Variants in MXI1 observed in about 807,000 individuals in gnomAD.
The protein encoded by MXI1 is max-interacting protein 1.
Under a neutral mutation model 36.9 loss-of-function variants are expected in MXI1, and 18 were observed. The ratio of observed to expected loss-of-function variants is 0.49; its 90% CI spans 0.34 to 0.72. The LOEUF is 0.72. MXI1 is among the 30% of genes least tolerant of loss of function. MXI1 has a pLI of 0.01. For missense variants in MXI1, 304 were observed against 379.1 expected, an observed-to-expected ratio of 0.80 and a Z score of 1.64; for synonymous variants, 160 against 146.7, an observed-to-expected ratio of 1.09 and a Z score of -0.65.
intron 3 of MXI1, among the ~76,000 whole-genome samples, chr10:110,254,346 T>C (rs1464905143): frequency 1.3e-5 from 2 of 152,140 alleles, no homozygotes; most frequent in Non-Finnish European, 2.9e-5. Context: ...TTAATAAATG[T>C]TGTGTGTGTT....
chr10:110,217,299 T>C (rs1854676763), intron 1 of MXI1, among the ~76,000 whole-genome samples: 1 of 152,130 alleles, frequency 6.6e-6, no homozygotes, highest in Admixed American at 6.5e-5. Flanking sequence ...TGAAGCCAAT[T>C]AAAGGGGATC....
At chr10:110,273,271 T>A (rs1374329180) in intron 3 of MXI1, among the ~76,000 whole-genome samples, 1 of 151,952 alleles carries the variant, frequency 6.6e-6, no homozygotes, top group Non-Finnish European at 1.5e-5. Context: ...ATGGTCTCGA[T>A]CTCCTGACCT....
chr10:110,277,402 A>C (rs1857072368), intron 3 of MXI1, among the ~76,000 whole-genome samples: 1 of 152,138 alleles, frequency 6.6e-6, no homozygotes, highest in Non-Finnish European at 1.5e-5. Context: ...CTTAATGAAG[A>C]GTTTAAAGGC....
intron 1 of MXI1, among the ~76,000 whole-genome samples, chr10:110,214,730 G>GGTCTTCAC (rs1239798297): frequency 6.7e-6 from 1 of 149,604 alleles, no homozygotes; most frequent in Non-Finnish European, 1.5e-5. Flanking sequence ...GCCCTGGCTT[G>GGTCTTCAC]GTCTTCACTT....
chr10:110,232,399 C>G (rs762232226), intron 2 of MXI1, among the ~76,000 whole-genome samples: 3 of 152,162 alleles, frequency 2.0e-5, no homozygotes, highest in Admixed American at 6.5e-5. Context: ...TTGAATAACA[C>G]TCTTCTTCAG....
intron 2 of MXI1, among the ~76,000 whole-genome samples, chr10:110,231,188 G>A (rs560878590): frequency 6.6e-6 from 1 of 152,222 alleles, no homozygotes; most frequent in Non-Finnish European, 1.5e-5. Flanking sequence ...CCAACATGAT[G>A]AAACCCTGTC....
intron 4 of MXI1, 34 bp from the exon 5 acceptor site, chr10:110,279,880 A>G (rs754787348): frequency 3.2e-6 from 5 of 1,563,252 alleles, no homozygotes; most frequent in East Asian, 2.2e-5. Flanking sequence ...GTACTGGACT[A>G]TACACAAATG....
At chr10:110,230,534 C>T (rs889218879) in intron 2 of MXI1, among the ~76,000 whole-genome samples, 4 of 152,128 alleles carry the variant, frequency 2.6e-5, no homozygotes, top group Non-Finnish European at 4.4e-5. Flanking sequence ...AATATATTAT[C>T]TCAAGATCCA....
At chr10:110,269,746 G>T (rs1399222263) in intron 3 of MXI1, among the ~76,000 whole-genome samples, 1 of 152,140 alleles carries the variant, frequency 6.6e-6, no homozygotes, top group Non-Finnish European at 1.5e-5. Flanking sequence ...TGGCTGGCAG[G>T]GTACAATACT....
At chr10:110,215,043 G>GTTTTTTTTT (rs200181611) in intron 1 of MXI1, among the ~76,000 whole-genome samples, 1 of 78,906 alleles carries the variant, frequency 1.3e-5, no homozygotes, top group Non-Finnish European at 2.4e-5. Context: ...TTTTTTTTTT[G>GTTTTTTTTT]TTTTTTTTTT....
At chr10:110,248,980 A>G (rs1364905805) in intron 3 of MXI1, among the ~76,000 whole-genome samples, 1 of 152,168 alleles carries the variant, frequency 6.6e-6, no homozygotes. Flanking sequence ...GTTTAGCAAG[A>G]AGGTGGCACA....
intron 3 of MXI1, among the ~76,000 whole-genome samples, chr10:110,246,774 T>G (rs1855880496): frequency 6.6e-6 from 1 of 152,144 alleles, no homozygotes. Context: ...TGGTAGTTAG[T>G]GGTAGAAACT....
chr10:110,249,425 A>C (rs1855990264), intron 3 of MXI1, among the ~76,000 whole-genome samples: 1 of 152,060 alleles, frequency 6.6e-6, no homozygotes, highest in African/African-American at 2.4e-5. Flanking sequence ...CATTAAATAC[A>C]AAAATTAGAC....
At chr10:110,280,140 T>A (rs1857179482) in intron 5 of MXI1, 55 bp downstream of exon 5, 1 of 1,460,784 alleles carries the variant, frequency 6.8e-7, no homozygotes, top group Admixed American at 2.3e-5. Context: ...TATCTGGATT[T>A]AGGGAAGGTA....
chr10:110,256,735 G>C (rs939800729), intron 3 of MXI1, among the ~76,000 whole-genome samples: 6 of 151,970 alleles, frequency 3.9e-5, no homozygotes, highest in Non-Finnish European at 7.4e-5. Context: ...GACCATCTAG[G>C]GTTGCTCACC....
At chr10:110,266,506 G>A (rs1856682316) in intron 3 of MXI1, among the ~76,000 whole-genome samples, 1 of 152,112 alleles carries the variant, frequency 6.6e-6, no homozygotes, top group Admixed American at 6.5e-5. Flanking sequence ...ATGCCCAAAT[G>A]TCTTGTGAAA....
Position 110,279,958 on chromosome 10 carries a change from T to C in MXI1, c.597T>C (p.Asn199=). ...GAAAAAGCCAGCACCAGCTCGAGAA[T>C]TTGGAACGAGAACAGAGATTTTTAA... ...AERKSQHQLE[N]LEREQRFLKW... The change falls in exon 5 of 6, where the codon AAT becomes AAC. Residue 199 remains asparagine, a synonymous_variant. Coordinates refer to ENST00000332674, the MANE Select transcript of MXI1 (RefSeq NM_130439.3). 6.2e-7 allele frequency: 1 copy of C among 1,611,658 alleles called. No homozygotes were observed. The highest frequency in any genetic ancestry group is 8.5e-7 in the Non-Finnish European group (1 of 1,179,126).
chr10:110,253,517 G>T (rs1456719391), intron 3 of MXI1, among the ~76,000 whole-genome samples: 4 of 152,024 alleles, frequency 2.6e-5, no homozygotes, highest in Non-Finnish European at 4.4e-5. Flanking sequence ...TTTTTACACG[G>T]TGTACACATT....
At chr10:110,255,750 T>A (rs1298309646) in intron 3 of MXI1, among the ~76,000 whole-genome samples, 1 of 152,170 alleles carries the variant, frequency 6.6e-6, no homozygotes, top group Non-Finnish European at 1.5e-5. Flanking sequence ...CTTTCCAAAT[T>A]GATCTATAGA....
Sources: allele counts gnomAD v4.1 joint callset (sites outside exome capture counted in the v4.1 genomes callset), GRCh38; gene constraint gnomAD v4.1.1; transcripts MANE v1.5; gene names NCBI Gene and HGNC (gene_info 2026-07-23, HGNC 2026-07-21).